LRRN1: variants seen among roughly 807,000 people sequenced by gnomAD.
LRRN1 encodes the protein leucine-rich repeat neuronal protein 1.
A neutral mutation model predicts 45.8 loss-of-function variants in LRRN1; 14 were observed. The observed-to-expected ratio is 0.31, with a 90% CI of 0.20 to 0.48. The LOEUF is 0.48. Ranked by LOEUF, LRRN1 falls within the 20% of genes least tolerant of loss-of-function variation. The pLI is 0.99. For missense variants in LRRN1, 789 were observed against 874.2 expected (o/e 0.90, Z 1.23); for synonymous variants, 359 against 330.1 (o/e 1.09, Z -0.95).
chr3:3,831,253 G>C (rs1287100488), intron 1 of LRRN1, among the ~76,000 whole-genome samples: 1 of 152,204 alleles, frequency 6.6e-6, no homozygotes, highest in African/African-American at 2.4e-5. Context: ...CTTGGTTGTA[G>C]GAGGGGCCAA....
chr3:3,819,160 G>C (rs563317016), intron 1 of LRRN1, among the ~76,000 whole-genome samples: 2 of 151,910 alleles, frequency 1.3e-5, no homozygotes, highest in African/African-American at 2.4e-5. Context: ...GCTAATTTTT[G>C]TATTTTTTGT....
intron 1 of LRRN1, among the ~76,000 whole-genome samples, chr3:3,818,058 G>A (rs1693023040): frequency 6.6e-6 from 1 of 152,186 alleles, no homozygotes; most frequent in African/African-American, 2.4e-5. Flanking sequence ...AGTGTTGAAT[G>A]TACAATCCGG....
chr3:3,803,984 A>C (rs1692706760), intron 1 of LRRN1: 1 of 152,242 alleles, frequency 6.6e-6, no homozygotes, highest in African/African-American at 2.4e-5. Context: ...AAATGTTTCC[A>C]GACTTTATGG....
Position 3,846,472 on chromosome 3 carries a change from A to C in LRRN1, c.1831A>C (p.Asn611His). 1 of 1,614,164 alleles carries C rather than the reference A, an allele frequency of 6.2e-7. No homozygotes were observed. The highest frequency in any genetic ancestry group is 8.5e-7 in the Non-Finnish European group (1 of 1,180,032). ...TCAGCAGACTCAAAAGTCATGCGTAAATGTCACAACCAAAAATGCCGCCTT... is the reference window on the plus strand; with the variant it reads ...TCAGCAGACTCAAAAGTCATGCGTACATGTCACAACCAAAAATGCCGCCTT... ...IHQQTQKSCV[N>H]VTTKNAAFAV... The change falls in exon 2 of 2, where the codon AAT becomes CAT. Residue 611 changes from asparagine to histidine, a missense_variant. Physicochemically the swap from Asn to His is moderately conservative, Grantham distance 68 (BLOSUM62 1). Transcript: ENST00000319331. This position sits in a 1 kb window ranked among gnomAD's most constrained non-coding sequence, Gnocchi z 5.7.
chr3:3,831,533 C>CAAAGCTGGAGAGTTGATATACCCCT (rs145485413), intron 1 of LRRN1, among the ~76,000 whole-genome samples: 2 of 10,272 alleles, frequency 1.9e-4, no homozygotes, highest in African/African-American at 4.3e-4. Context: ...GACTATGACA[C>CAAAGCTGGAGAGTTGATATACCCCT]GGCCGGGCGC....
chr3:3,815,318 C>T (rs1296192004), intron 1 of LRRN1, among the ~76,000 whole-genome samples: 2 of 152,118 alleles, frequency 1.3e-5, no homozygotes, highest in Admixed American at 6.5e-5. Context: ...AAGAAATGCT[C>T]ACAACTGACT....
intron 1 of LRRN1, among the ~76,000 whole-genome samples, chr3:3,829,410 T>G (rs1212256766): frequency 6.6e-6 from 1 of 151,986 alleles, no homozygotes; most frequent in Admixed American, 6.6e-5. Flanking sequence ...AAACAAAAAT[T>G]TTGCTAGTGG....
chr3:3,805,467 A>C (rs76643930), intron 1 of LRRN1, among the ~76,000 whole-genome samples: 2,728 of 152,298 alleles, frequency 0.018, 38 homozygotes, highest in Non-Finnish European at 0.028. Context: ...CTAATGACTC[A>C]ATGTCTGACC....
At position 3,846,622 on chromosome 3, in the gene LRRN1, T is replaced by C. The variant is rs764802146; in HGVS notation, c.1981T>C (p.Tyr661His). Reference protein sequence around the residue: ...YFAKRFKRKNYHHSLKKYMQK... With the variant: ...YFAKRFKRKNHHHSLKKYMQK... ...TGCCAAAAGATTTAAGAGAAAAAAC[T>C]ACCACCACTCATTAAAAAAGTATAT... Residue 661 changes from tyrosine to histidine, a missense_variant, in exon 2 of 2, where the codon TAC (tyrosine) becomes CAC (histidine). Transcript: ENST00000319331. This position sits in a 1 kb window ranked among gnomAD's most constrained non-coding sequence, Gnocchi z 5.7. The C allele has an allele frequency of 6.2e-7, 1 of 1,614,040 alleles. No homozygotes were observed. Among genetic ancestry groups the C allele is most frequent in the Non-Finnish European group, 8.5e-7 (1 of 1,179,998 alleles).
chr3:3,832,038 A>G (rs1693383270), intron 1 of LRRN1, among the ~76,000 whole-genome samples: 1 of 152,226 alleles, frequency 6.6e-6, no homozygotes. Context: ...TGCTCAAGCA[A>G]TGAAACCACA....
At chr3:3,801,070 C>A (rs1177030454) in intron 1 of LRRN1, 1 of 152,298 alleles carries the variant, frequency 6.6e-6, no homozygotes, top group Non-Finnish European at 1.5e-5. Context: ...GCGGACCAGG[C>A]GCTTCGGCCC....
intron 1 of LRRN1, among the ~76,000 whole-genome samples, chr3:3,820,538 AGAG>A (rs371613320): frequency 4.6e-4 from 70 of 152,340 alleles, no homozygotes; most frequent in African/African-American, 1.7e-3. Flanking sequence ...ATACTTGAAA[AGAG>A]GAGATCTATT....
chr3:3,813,321 T>C (rs1241858686), intron 1 of LRRN1, among the ~76,000 whole-genome samples: 3 of 152,216 alleles, frequency 2.0e-5, no homozygotes, highest in Non-Finnish European at 4.4e-5. Context: ...TTAATTATGG[T>C]TCATAATATT....
At chr3:3,817,694 T>TTG (rs201906764) in intron 1 of LRRN1, among the ~76,000 whole-genome samples, 36 of 146,344 alleles carry the variant, frequency 2.5e-4, no homozygotes, top group Admixed American at 6.2e-4. Flanking sequence ...GGATGTTAGT[T>TTG]TTTTTTTTTT....
chr3:3,838,689 G>C (rs1235540428), intron 1 of LRRN1, among the ~76,000 whole-genome samples: 1 of 152,116 alleles, frequency 6.6e-6, no homozygotes, highest in African/African-American at 2.4e-5. Flanking sequence ...TCCAATGCCT[G>C]TTATTTTCTG....
chr3:3,842,368 C>G (rs944042347), intron 1 of LRRN1, among the ~76,000 whole-genome samples: 5 of 151,804 alleles, frequency 3.3e-5, no homozygotes, highest in African/African-American at 1.2e-4. Flanking sequence ...TCATTTCCTA[C>G]TCCTGTCTCA....
chr3:3,813,907 C>T (rs1327542354), intron 1 of LRRN1, among the ~76,000 whole-genome samples: 2 of 151,996 alleles, frequency 1.3e-5, no homozygotes, highest in Admixed American at 6.6e-5. Flanking sequence ...TCACCCCACT[C>T]CCAAAATGAG....
intron 1 of LRRN1, among the ~76,000 whole-genome samples, chr3:3,820,156 T>C (rs771881801): frequency 6.6e-6 from 1 of 152,222 alleles, no homozygotes; most frequent in Non-Finnish European, 1.5e-5. Context: ...TGCTAGTTTT[T>C]AGAATTACTT....
chr3:3,828,064 A>G (rs374846851), intron 1 of LRRN1, among the ~76,000 whole-genome samples: 110 of 151,706 alleles, frequency 7.3e-4, no homozygotes, highest in African/African-American at 2.6e-3. Context: ...TTCAAAAATA[A>G]GTATTTGAGG....
Sources: gnomAD v4.1 joint callset for allele counts (sites outside exome capture counted in the v4.1 genomes callset) on GRCh38, gnomAD v4.1.1 for gene constraint, Gnocchi (gnomAD v3.1) non-coding constraint, MANE v1.5 for transcripts, NCBI Gene and HGNC (gene_info 2026-07-23, HGNC 2026-07-21) for gene names.